MIB1: variants seen among roughly 807,000 people sequenced by gnomAD.
The protein encoded by MIB1 is E3 ubiquitin-protein ligase MIB1.
Under a neutral mutation model 124.5 loss-of-function variants are expected in MIB1, and 278 were observed. The observed-to-expected ratio is 2.23, with a 90% CI of 2.02 to 2.47. MIB1 has a LOEUF of 2.47. MIB1 is among the 30% of genes most tolerant of loss of function. The pLI, the probability that MIB1 is intolerant of heterozygous loss-of-function variation, is 0.00. For synonymous variants in MIB1, 446 were observed against 429.4 expected, an observed-to-expected ratio of 1.04 and a Z score of -0.48; for missense variants, 957 against 1,254.4, an observed-to-expected ratio of 0.76 and a Z score of 3.58.
In MIB1 at chr18:21,777,418, A is replaced by C. The variant is rs531724712; in HGVS notation, c.637-685A>C. The stretch of plus-strand genomic sequence containing the variant: ...AGCAAGACTCTGTCACACACACACA[A>C]AAAAGAATGTGCTGTGCACATTTCC... On this transcript the variant is annotated intron_variant, in intron 4 of 20. Coordinates refer to ENST00000261537, the MANE Select transcript of MIB1 (RefSeq NM_020774.4). Among the ~76,000 whole-genome samples, 62 of 152,302 alleles carry C rather than the reference A, an allele frequency of 4.1e-4. No individual in the cohort carries two copies. The East Asian group carries it at 6.8e-3, about 17-fold the overall frequency.
At chr18:21,771,125 A>G (rs2041220115) in intron 3 of MIB1, among the ~76,000 whole-genome samples, 1 of 152,230 alleles carries the variant, frequency 6.6e-6, no homozygotes, top group African/African-American at 2.4e-5. Context: ...TGTATCCTTT[A>G]CAGAGTTTCT....
intron 1 of MIB1, among the ~76,000 whole-genome samples, chr18:21,757,225 G>A (rs1463280817): frequency 1.3e-5 from 2 of 151,756 alleles, no homozygotes; most frequent in Non-Finnish European, 2.9e-5. Flanking sequence ...GCTAAGGTGG[G>A]TGGATCGCTT....
chr18:21,823,101 G>T (rs1437629122), intron 12 of MIB1, among the ~76,000 whole-genome samples: 3 of 151,972 alleles, frequency 2.0e-5, no homozygotes, highest in African/African-American at 7.3e-5. Flanking sequence ...GGGTGTAGTG[G>T]TGCGCACCTG....
chr18:21,741,903 T>C lies in MIB1; in HGVS notation c.229+91T>C, dbSNP rs2040857877. 1 of 1,151,256 alleles carries C rather than the reference T, an allele frequency of 8.7e-7. No individual in the cohort carries two copies. Among genetic ancestry groups the C allele is most frequent in the Non-Finnish European group, 1.2e-6 (1 of 837,392 alleles). The allele number at this position is 1,151,256 out of a possible 1,614,324, so 71.3% of individuals were successfully genotyped here. A position where few individuals can be genotyped will look rare whatever the true frequency, so the allele number is the denominator to read the frequency against. ...CGGTGTCGCGGGGAGAGGTCTGCAG[T>C]GGGACACCTGGTGGGCAGCGCCCGG... is the stretch of plus-strand genomic sequence containing the variant. On this transcript the variant is annotated intron_variant, in intron 1 of 20. Transcript: ENST00000261537. The surrounding 1 kb of genome is among the most constrained non-coding windows in gnomAD (Gnocchi z 5.4).
chr18:21,827,295 C>A (rs995159383), intron 12 of MIB1: 7 of 152,064 alleles, frequency 4.6e-5, no homozygotes, highest in African/African-American at 9.6e-5. Flanking sequence ...GTTAAACTCG[C>A]AAGCACCAGA....
chr18:21,837,358 A>G (rs984507810), intron 12 of MIB1, among the ~76,000 whole-genome samples: 1 of 152,174 alleles, frequency 6.6e-6, no homozygotes, highest in Non-Finnish European at 1.5e-5. Context: ...AATACAAAAA[A>G]TTAGCCGGGC....
chr18:21,781,418 A>AG (rs2041366695), intron 6 of MIB1, among the ~76,000 whole-genome samples: 1 of 97,298 alleles, frequency 1.0e-5, no homozygotes, highest in Non-Finnish European at 2.1e-5. Flanking sequence ...TATATATAAA[A>AG]TTATTATTAT....
chr18:21,786,427 T>G (rs1487588361), intron 6 of MIB1, among the ~76,000 whole-genome samples: 1 of 152,224 alleles, frequency 6.6e-6, no homozygotes, highest in Admixed American at 6.5e-5. Context: ...TTTAATTTGT[T>G]TGGTGATTTC....
At chr18:21,706,037 T>C (rs2040622695) in intron 1 of MIB1, among the ~76,000 whole-genome samples, 1 of 152,194 alleles carries the variant, frequency 6.6e-6, no homozygotes, top group African/African-American at 2.4e-5. Flanking sequence ...CTGCACTACC[T>C]ACCAATAAAT....
intron 8 of MIB1, 118 bp downstream of exon 8, chr18:21,798,346 C>T: frequency 8.7e-6 from 9 of 1,040,414 alleles, no homozygotes; most frequent in Non-Finnish European, 1.2e-5. Flanking sequence ...TCCCAGATTA[C>T]ACAGCCTTAC....
intron 12 of MIB1, among the ~76,000 whole-genome samples, chr18:21,834,013 C>T (rs990752868): frequency 1.3e-5 from 2 of 152,194 alleles, no homozygotes; most frequent in Non-Finnish European, 2.9e-5. Flanking sequence ...ACTGAATTCT[C>T]GAGCTGGTAA....
At chr18:21,745,711 A>ACACACACACAC (rs1555687309) in intron 1 of MIB1, among the ~76,000 whole-genome samples, 1 of 131,020 alleles carries the variant, frequency 7.6e-6, no homozygotes, top group Non-Finnish European at 1.6e-5. Flanking sequence ...CACACACACA[A>ACACACACACAC]AATTTTATTT....
At chr18:21,782,191 C>T (rs2041377238) in intron 6 of MIB1, among the ~76,000 whole-genome samples, 1 of 152,080 alleles carries the variant, frequency 6.6e-6, no homozygotes, top group African/African-American at 2.4e-5. Context: ...GGCGCGATCT[C>T]AGCTCACTGC....
intron 1 of MIB1, among the ~76,000 whole-genome samples, chr18:21,727,959 CTG>C (rs1367068260): frequency 6.6e-6 from 1 of 152,184 alleles, no homozygotes; most frequent in Admixed American, 6.5e-5. Flanking sequence ...CATTGTGAGA[CTG>C]TGAGCAGAGA....
chr18:21,757,050 C>T (rs1178970336), intron 1 of MIB1, among the ~76,000 whole-genome samples: 1 of 152,078 alleles, frequency 6.6e-6, no homozygotes, highest in Non-Finnish European at 1.5e-5. Flanking sequence ...AATCCTTTAG[C>T]AGCTCAAGAC....
upstream of MIB1, among the ~76,000 whole-genome samples, chr18:21,737,972 A>G (rs1384802842): frequency 6.6e-6 from 1 of 152,196 alleles, no homozygotes; most frequent in Admixed American, 6.5e-5. Context: ...CAGATCAACA[A>G]GACAAAATTA....
chr18:21,718,896 A>C (rs2040701751), intron 1 of MIB1, among the ~76,000 whole-genome samples: 1 of 152,162 alleles, frequency 6.6e-6, no homozygotes, highest in Non-Finnish European at 1.5e-5. Flanking sequence ...TACAAAAACA[A>C]TTTTAAAAAA....
At chr18:21,735,720 G>C (rs576538972) in intron 1 of MIB1, among the ~76,000 whole-genome samples, 2 of 152,318 alleles carry the variant, frequency 1.3e-5, no homozygotes, top group Non-Finnish European at 2.9e-5. Context: ...TGAGGCTTGC[G>C]TAGGCAGTTT....
chr18:21,715,887 A>G (rs1309253392), intron 1 of MIB1, among the ~76,000 whole-genome samples: 1 of 152,210 alleles, frequency 6.6e-6, no homozygotes, highest in Admixed American at 6.5e-5. Flanking sequence ...AAACTTAAGA[A>G]TAATTGGTGT....
Sources: allele counts gnomAD v4.1 joint callset (sites outside exome capture counted in the v4.1 genomes callset), GRCh38; gene constraint gnomAD v4.1.1; non-coding constraint Gnocchi (gnomAD v3.1); transcripts MANE v1.5; gene names NCBI Gene and HGNC (gene_info 2026-07-23, HGNC 2026-07-21).